FRMD4A: variants seen among roughly 807,000 people sequenced by gnomAD.
The protein encoded by FRMD4A is FERM domain containing 4A.
A neutral mutation model predicts 129.1 loss-of-function variants in FRMD4A; 29 were observed. The observed-to-expected ratio is 0.22, with a 90% confidence interval of 0.17 to 0.31. FRMD4A has a LOEUF of 0.31. Ranked by LOEUF, FRMD4A falls within the 10% of genes least tolerant of loss-of-function variation. The pLI is 1.00. For synonymous variants in FRMD4A, 634 were observed against 571.6 expected, an observed-to-expected ratio of 1.11 and a Z score of -1.56; for missense variants, 1,272 against 1,375.8, an observed-to-expected ratio of 0.92 and a Z score of 1.19.
chr10:13,754,061 C>A lies in FRMD4A; in HGVS notation c.465-6242G>T, dbSNP rs74121872. ...AAAAAGCCCAAGAAGAAACGATTAACTTTCTATATTTCTCAGTATCACCCT... is the reference window on the plus strand; with the variant it reads ...AAAAAGCCCAAGAAGAAACGATTAAATTTCTATATTTCTCAGTATCACCCT... On this transcript the variant is annotated intron_variant, in intron 8 of 24. Transcript: ENST00000357447. Among the ~76,000 whole-genome samples the A allele has an allele frequency of 5.2e-3, 787 of 152,276 alleles. 10 individuals carry two copies. The highest frequency in any genetic ancestry group is 0.017 in the African/African-American group (717 of 41,558).
At chr10:13,807,748 G>C (rs2093379425) in intron 4 of FRMD4A, among the ~76,000 whole-genome samples, 1 of 151,398 alleles carries the variant, frequency 6.6e-6, no homozygotes, top group South Asian at 2.1e-4. Flanking sequence ...AATTCTGAAA[G>C]AGTCTCTGAC....
chr10:14,306,294 C>T (rs1846349348), intron 2 of FRMD4A, among the ~76,000 whole-genome samples: 2 of 151,882 alleles, frequency 1.3e-5, no homozygotes, highest in African/African-American at 4.8e-5. Flanking sequence ...TAGCCAAGTC[C>T]AAAATAGAAA....
chr10:13,903,546 T>C (rs1301938377), intron 2 of FRMD4A, among the ~76,000 whole-genome samples: 2 of 151,984 alleles, frequency 1.3e-5, no homozygotes, highest in Non-Finnish European at 1.5e-5. Context: ...CTGGGCAACA[T>C]AGCAAGACTC....
intron 3 of FRMD4A, among the ~76,000 whole-genome samples, chr10:13,850,967 C>T (rs1035148510): frequency 6.6e-6 from 1 of 152,206 alleles, no homozygotes; most frequent in African/African-American, 2.4e-5. Context: ...GTAATCCCAG[C>T]ACTTTGGGAG....
At chr10:14,040,846 C>G (rs973940091) in intron 2 of FRMD4A, among the ~76,000 whole-genome samples, 2 of 152,082 alleles carry the variant, frequency 1.3e-5, no homozygotes, top group African/African-American at 4.8e-5. Context: ...CACAGGTGTT[C>G]CATTTAATGA....
At chr10:13,946,897 G>A (rs2095336096) in intron 2 of FRMD4A, among the ~76,000 whole-genome samples, 2 of 152,146 alleles carry the variant, frequency 1.3e-5, no homozygotes, top group South Asian at 4.1e-4. Flanking sequence ...ACCTCGGGGA[G>A]CTTATGGCAC....
intron 14 of FRMD4A, among the ~76,000 whole-genome samples, chr10:13,696,123 G>A (rs1295530416): frequency 2.6e-5 from 4 of 152,044 alleles, no homozygotes; most frequent in Non-Finnish European, 4.4e-5. Flanking sequence ...GACTGAAGTC[G>A]ACTTCCTCAG....
At chr10:13,848,554 G>A (rs1163528728) in intron 3 of FRMD4A, among the ~76,000 whole-genome samples, 1 of 152,028 alleles carries the variant, frequency 6.6e-6, no homozygotes, top group East Asian at 1.9e-4. Context: ...GGGGAGATGG[G>A]GATGGTCTCT....
intron 21 of FRMD4A, 95 bp from the exon 22 acceptor site, chr10:13,657,617 G>T (rs1300626112): frequency 1.4e-5 from 20 of 1,428,542 alleles, no homozygotes; most frequent in Non-Finnish European, 1.8e-5. Flanking sequence ...GGCACTGGGT[G>T]TCTGCACGCG....
intron 15 of FRMD4A, among the ~76,000 whole-genome samples, chr10:13,679,694 A>G (rs563356434): frequency 6.6e-6 from 1 of 151,782 alleles, no homozygotes; most frequent in South Asian, 2.1e-4. Context: ...TATTGTAACG[A>G]AAAGAGGTTC....
Position 13,718,439 on chromosome 10 carries a change from C to A in FRMD4A, c.760-11326G>T, listed in dbSNP as rs77328394. Among the ~76,000 whole-genome samples, 1,745 of 152,370 alleles carry A rather than the reference C, an allele frequency of 0.011. 71 individuals are homozygous for A. In the South Asian group the frequency reaches 0.12, roughly 10 times the overall value. ...CCTGACTTCTCCGCTTGACCCGAGA[C>A]ATGCAGGGGGCTGCGGCTGGGCCAC... On this transcript the variant is annotated intron_variant, in intron 12 of 24. Coordinates refer to ENST00000357447, the MANE Select transcript of FRMD4A (RefSeq NM_018027.5).
At chr10:14,144,078 G>A (rs778955667) in intron 2 of FRMD4A, among the ~76,000 whole-genome samples, 6 of 152,160 alleles carry the variant, frequency 3.9e-5, no homozygotes, top group Non-Finnish European at 8.8e-5. Context: ...GCTAACATGT[G>A]GGGCAGTGCA....
intron 2 of FRMD4A, among the ~76,000 whole-genome samples, chr10:13,881,045 A>G (rs1468543994): frequency 6.6e-6 from 1 of 152,118 alleles, no homozygotes; most frequent in Non-Finnish European, 1.5e-5. Context: ...TGCATGAATG[A>G]ATTAATGAAT....
Position 13,670,660 on chromosome 10 carries a change from T to C in FRMD4A, c.1252-132A>G, listed in dbSNP as rs1410260577. ...GCACTTCGATACAGGTCAACGCTTA[T>C]GCTAGAAATGTTCACATTAAGCACT... On this transcript the variant is annotated intron_variant, in intron 16 of 24. Coordinates refer to ENST00000357447, the MANE Select transcript of FRMD4A (RefSeq NM_018027.5). 5.2e-6 allele frequency: 4 copies of C among 763,942 alleles called. No individual in the cohort carries two copies. In the African/African-American group the frequency reaches 7.0e-5, roughly 13 times the overall value. The allele number at this position is 763,942 out of a possible 1,614,324, so 47.3% of individuals were successfully genotyped here. A position where few individuals can be genotyped will look rare whatever the true frequency, so the allele number is the denominator to read the frequency against.
chr10:14,220,985 G>A (rs1843240336), intron 2 of FRMD4A, among the ~76,000 whole-genome samples: 1 of 151,900 alleles, frequency 6.6e-6, no homozygotes, highest in African/African-American at 2.4e-5. Flanking sequence ...TGAGGGGCAG[G>A]AACCCTACCA....
chr10:14,271,767 G>A (rs895565588), intron 2 of FRMD4A, among the ~76,000 whole-genome samples: 1 of 152,084 alleles, frequency 6.6e-6, no homozygotes, highest in Non-Finnish European at 1.5e-5. Context: ...GGGAAGTCAG[G>A]GAAGCATTTT....
chr10:14,074,257 G>T (rs1046439826), intron 2 of FRMD4A: 1 of 152,372 alleles, frequency 6.6e-6, no homozygotes, highest in African/African-American at 2.4e-5. Context: ...ATGGGGGAGG[G>T]GGATGTATGC....
intron 2 of FRMD4A, among the ~76,000 whole-genome samples, chr10:14,127,932 TTC>T (rs1188015761): frequency 2.7e-4 from 2 of 7,318 alleles, no homozygotes; most frequent in Admixed American, 2.9e-3. Context: ...CTTTCTTTCT[TTC>T]TTTCTTTCTT....
chr10:13,848,509 T>C (rs1313636479), intron 3 of FRMD4A, among the ~76,000 whole-genome samples: 1 of 152,018 alleles, frequency 6.6e-6, no homozygotes, highest in Non-Finnish European at 1.5e-5. Flanking sequence ...AGAAGGGGTG[T>C]TGCCAGGCAA....
Sources: allele counts gnomAD v4.1 joint callset (sites outside exome capture counted in the v4.1 genomes callset), GRCh38; gene constraint gnomAD v4.1.1; transcripts MANE v1.5; gene names NCBI Gene and HGNC (gene_info 2026-07-23, HGNC 2026-07-21).